Variants in QTMAN observed in about 807,000 individuals in gnomAD.
The protein encoded by QTMAN is queuosine-tRNA mannosyltransferase.
At chr2:143,974,705 T>G in the QTMAN span, among the ~76,000 whole-genome samples, 1 of 151,906 alleles carries the variant, frequency 6.6e-6, no homozygotes, top group African/African-American at 2.4e-5. Context: ...CTTTCTTTCT[T>G]TTTGTTTTTT....
At chr2:144,058,123 C>T in the QTMAN span, among the ~76,000 whole-genome samples, 2 of 130,856 alleles carry the variant, frequency 1.5e-5, no homozygotes, top group African/African-American at 6.8e-5. Flanking sequence ...CCCCCTCCCC[C>T]ACCCCGCTAA....
At chr2:144,184,090 C>T in the QTMAN span, among the ~76,000 whole-genome samples, 1 of 152,140 alleles carries the variant, frequency 6.6e-6, no homozygotes, top group Non-Finnish European at 1.5e-5. Flanking sequence ...TATGTGTGAG[C>T]TTCAAAGCTG....
the QTMAN span, among the ~76,000 whole-genome samples, chr2:144,049,086 T>C: frequency 6.6e-6 from 1 of 152,060 alleles, no homozygotes; most frequent in South Asian, 2.1e-4. Flanking sequence ...AATGATTAGA[T>C]TGACAGTTGT....
chr2:144,241,186 C>T, the QTMAN span, among the ~76,000 whole-genome samples: 1 of 152,180 alleles, frequency 6.6e-6, no homozygotes, highest in South Asian at 2.1e-4. Context: ...AATTCTCAGG[C>T]CTCACCCCAG....
the QTMAN span, among the ~76,000 whole-genome samples, chr2:144,243,772 A>T: frequency 6.6e-6 from 1 of 152,238 alleles, no homozygotes; most frequent in Non-Finnish European, 1.5e-5. Flanking sequence ...ATCGCCTATC[A>T]TCTCATTCTT....
the QTMAN span, chr2:144,128,363 G>A: frequency 6.6e-6 from 1 of 152,018 alleles, no homozygotes; most frequent in African/African-American, 2.4e-5. Flanking sequence ...GGAGTTCACT[G>A]AGTCATATGC....
chr2:144,087,396 A>G, the QTMAN span, among the ~76,000 whole-genome samples: 2 of 152,064 alleles, frequency 1.3e-5, no homozygotes, highest in Admixed American at 1.3e-4. Flanking sequence ...ATAAATAATA[A>G]CAATTCTATA....
chr2:143,991,180 G>A, the QTMAN span, among the ~76,000 whole-genome samples: 1 of 152,034 alleles, frequency 6.6e-6, no homozygotes, highest in Non-Finnish European at 1.5e-5. Flanking sequence ...TGAGGCAGAG[G>A]AAATACCTGA....
At chr2:144,278,761 A>G in the QTMAN span, among the ~76,000 whole-genome samples, 1 of 152,076 alleles carries the variant, frequency 6.6e-6, no homozygotes, top group Non-Finnish European at 1.5e-5. Context: ...AGAGCCAGGA[A>G]AGCAATTCCT....
At chr2:143,954,540 GA>G in the QTMAN span, among the ~76,000 whole-genome samples, 1 of 152,050 alleles carries the variant, frequency 6.6e-6, no homozygotes, top group South Asian at 2.1e-4. Context: ...GATTTAGGAA[GA>G]AAAAATTTAC....
chr2:144,084,061 T>C, the QTMAN span, among the ~76,000 whole-genome samples: 3 of 152,300 alleles, frequency 2.0e-5, no homozygotes, highest in South Asian at 6.2e-4. Flanking sequence ...AGGGTCAAAA[T>C]AGAGCAGCGG....
the QTMAN span, among the ~76,000 whole-genome samples, chr2:144,198,679 T>G: frequency 6.6e-6 from 1 of 152,188 alleles, no homozygotes; most frequent in Admixed American, 6.5e-5. Flanking sequence ...TTTATGTGAT[T>G]TTGAATTGAG....
At chr2:144,062,738 T>C in the QTMAN span, among the ~76,000 whole-genome samples, 1 of 152,202 alleles carries the variant, frequency 6.6e-6, no homozygotes, top group Non-Finnish European at 1.5e-5. Context: ...ATGCAATAAC[T>C]AGGTATTATT....
At chr2:144,048,714 C>T in the QTMAN span, among the ~76,000 whole-genome samples, 59 of 152,182 alleles carry the variant, frequency 3.9e-4, no homozygotes, top group Middle Eastern at 3.4e-3. Context: ...AGGAGTGCCA[C>T]GGCCCTGAAC....
the QTMAN span, among the ~76,000 whole-genome samples, chr2:144,195,766 T>C: frequency 6.6e-6 from 1 of 152,178 alleles, no homozygotes; most frequent in Non-Finnish European, 1.5e-5. Context: ...CCTCAATTCT[T>C]AACCTCTGCT....
the QTMAN span, among the ~76,000 whole-genome samples, chr2:144,034,559 A>G: frequency 1.3e-5 from 2 of 152,318 alleles, no homozygotes; most frequent in African/African-American, 4.8e-5. Flanking sequence ...GTTGCCAGTT[A>G]CCACACTTGG....
the QTMAN span, among the ~76,000 whole-genome samples, chr2:144,048,535 A>G: frequency 4.6e-5 from 7 of 152,300 alleles, no homozygotes; most frequent in East Asian, 1.2e-3. Context: ...TAAAATTGAG[A>G]TTATATAAAA....
At chr2:143,983,651 T>C in the QTMAN span, among the ~76,000 whole-genome samples, 1 of 152,014 alleles carries the variant, frequency 6.6e-6, no homozygotes, top group Non-Finnish European at 1.5e-5. Context: ...TTTTTTGTAT[T>C]TTTAGTAGAG....
chr2:144,103,347 G>A, the QTMAN span, among the ~76,000 whole-genome samples: 4 of 152,238 alleles, frequency 2.6e-5, no homozygotes, highest in Non-Finnish European at 5.9e-5. Flanking sequence ...TGACTCAAAG[G>A]ACAGTGAGTA....
Sources: gnomAD v4.1 joint callset for allele counts (sites outside exome capture counted in the v4.1 genomes callset) on GRCh38, gnomAD v4.1.1 for gene constraint, MANE v1.5 for transcripts, NCBI Gene and HGNC (gene_info 2026-07-23, HGNC 2026-07-21) for gene names.